UBN1: variants seen among roughly 807,000 people sequenced by gnomAD.
UBN1 encodes the protein ubinuclein 1.
A neutral mutation model predicts 108.5 loss-of-function variants in UBN1; 17 were observed. The ratio of observed to expected loss-of-function variants is 0.16; its 90% confidence interval spans 0.11 to 0.24. The LOEUF is 0.24. Among genes scored for constraint, UBN1 ranks in the 10% least tolerant of loss-of-function variants. The pLI is 1.00. For missense variants in UBN1, 1,595 were observed against 1,394.4 expected (o/e 1.14, Z -2.29); for synonymous variants, 726 against 564.2 (o/e 1.29, Z -4.07).
Position 4,870,790 on chromosome 16 carries a change from G to A in UBN1, c.1431-54G>A, listed in dbSNP as rs893775527. On this transcript the variant is annotated intron_variant, in intron 10 of 17. Transcript: ENST00000262376. ...GTCCCAGTAGTGCAGAGTGAGGGGA[G>A]AGGCGGTGGGCAGGAGCACCTTGGG... 1.1e-5 allele frequency: 17 copies of A among 1,608,284 alleles called. No homozygotes were observed. The East Asian group carries it at 3.3e-4, about 32-fold the overall frequency.
chr16:4,870,380 C>G (rs773259684), intron 9 of UBN1, 39 bp downstream of exon 9: 2 of 1,612,204 alleles, frequency 1.2e-6, no homozygotes, highest in African/African-American at 1.3e-5. Context: ...GCTTTGGGGT[C>G]CTGGCGGAGG....
In UBN1 at chr16:4,874,676, G is replaced by C; in HGVS notation, c.2266G>C (p.Glu756Gln). 6.2e-7 allele frequency: 1 copy of C among 1,614,128 alleles called. No individual in the cohort carries two copies. The highest frequency in any genetic ancestry group is 8.5e-7 in the Non-Finnish European group (1 of 1,180,024). ...LGQSSQEKKPESSGYKELSCQ... is the reference protein window; with the variant it reads ...LGQSSQEKKPQSSGYKELSCQ... ...GCAGTCCTCTCAGGAGAAAAAACCA[G>C]AGAGTTCTGGCTACAAAGAGCTGTC... The change falls in exon 15 of 18, where the codon GAG (glutamate) becomes CAG (glutamine). Residue 756 changes from glutamate to glutamine, a missense_variant. Transcript: ENST00000262376.
At chr16:4,876,044 C>T (rs1279669847) in intron 15 of UBN1, among the ~76,000 whole-genome samples, 1 of 151,698 alleles carries the variant, frequency 6.6e-6, no homozygotes, top group African/African-American at 2.4e-5. Context: ...GCGCAAGCTC[C>T]ACCTCCCGGG....
Position 4,859,010 on chromosome 16 carries a change from G to C in UBN1, c.433-15G>C. On this transcript the variant is annotated splice_polypyrimidine_tract_variant and intron_variant, in intron 4 of 17. Coordinates refer to ENST00000262376, the MANE Select transcript of UBN1 (RefSeq NM_001079514.3). The stretch of plus-strand genomic sequence containing the variant: ...AAGCAGAACTTGGAGCTGACAGTTT[G>C]TTTCCCATCTTCAGTATGATGAGCT... 6.2e-7 allele frequency: 1 copy of C among 1,610,316 alleles called. No individual in the cohort carries two copies. Among genetic ancestry groups the C allele is most frequent in the Admixed American group, 1.7e-5 (1 of 59,020 alleles).
Position 4,875,193 on chromosome 16 carries a change from C to T in UBN1, c.2783C>T (p.Ser928Phe), listed in dbSNP as rs555552740. Residue 928 changes from serine to phenylalanine, a missense_variant, in exon 15 of 18, where the codon TCT (serine) becomes TTT (phenylalanine). Transcript: ENST00000262376. ...SSSGGTPVQSSVSGSLVPGIQ... is the reference protein window; with the variant it reads ...SSSGGTPVQSFVSGSLVPGIQ... ...TCGGGAGGAACACCAGTCCAGAGTTCTGTTTCTGGGAGCCTGGTCCCTGGC... is the reference window on the plus strand; with the variant it reads ...TCGGGAGGAACACCAGTCCAGAGTTTTGTTTCTGGGAGCCTGGTCCCTGGC... 13 of 1,614,264 alleles carry T rather than the reference C, an allele frequency of 8.1e-6. No homozygotes were observed. The highest frequency in any genetic ancestry group is 1.1e-5 in the Non-Finnish European group (13 of 1,180,056).
At position 4,880,256 on chromosome 16, in the gene UBN1, C is replaced by T; in HGVS notation, c.*124C>T. On this transcript the variant is annotated 3_prime_UTR_variant, in exon 18 of 18. Coordinates refer to ENST00000262376, the MANE Select transcript of UBN1 (RefSeq NM_001079514.3). ...GTTCTTCTGGAGGAGCGTGAGTTCTCAGCGGAGCGCTTCTCGGCACTTCTG... is the reference window on the plus strand; with the variant it reads ...GTTCTTCTGGAGGAGCGTGAGTTCTTAGCGGAGCGCTTCTCGGCACTTCTG... The T allele has an allele frequency of 8.7e-7, 1 of 1,153,338 alleles. No homozygotes were observed. Among genetic ancestry groups the T allele is most frequent in the Non-Finnish European group, 1.3e-6 (1 of 774,126 alleles). The allele number at this position is 1,153,338 out of a possible 1,614,324, so 71.4% of individuals were successfully genotyped here.
intron 5 of UBN1, among the ~76,000 whole-genome samples, chr16:4,859,524 A>G (rs191004894): frequency 6.6e-6 from 1 of 152,316 alleles, no homozygotes; most frequent in Admixed American, 6.5e-5. Context: ...CTGCCATCCC[A>G]CTGAAAACCA....
intron 17 of UBN1, among the ~76,000 whole-genome samples, chr16:4,878,282 C>CT (rs1479033734): frequency 6.6e-6 from 1 of 152,102 alleles, no homozygotes; most frequent in Non-Finnish European, 1.5e-5. Context: ...AGCATTGTTC[C>CT]TACTGTAGAC....
intron 15 of UBN1, 134 bp from the exon 16 acceptor site, chr16:4,876,737 C>T: frequency 7.1e-7 from 1 of 1,412,780 alleles, no homozygotes; most frequent in South Asian, 1.5e-5. Flanking sequence ...GGGTGCCTCC[C>T]AGGGCCATCT....
At chr16:4,874,004 G>A (rs2087760866) in intron 14 of UBN1, among the ~76,000 whole-genome samples, 1 of 152,186 alleles carries the variant, frequency 6.6e-6, no homozygotes, top group Non-Finnish European at 1.5e-5. Flanking sequence ...CCCAGCCCTG[G>A]CCAACCAGAT....
chr16:4,870,117 G>A (rs184319158), intron 8 of UBN1, 95 bp from the exon 9 acceptor site: 169 of 1,566,404 alleles, frequency 1.1e-4, no homozygotes, highest in Admixed American at 6.0e-4. Context: ...TTTGACTGCC[G>A]TTGGCTCCTA....
At position 4,874,797 on chromosome 16, in the gene UBN1, C is replaced by T. The variant is rs2087801893; in HGVS notation, c.2387C>T (p.Ala796Val). ...CGGACGTCTCACGGGCCCCAAGTGG[C>T]AGTTCCTGTGCCTGGCCCCCAGGTC... ...LPRTSHGPQVAVPVPGPQVKV... is the reference protein window; with the variant it reads ...LPRTSHGPQVVVPVPGPQVKV... Residue 796 changes from alanine to valine, a missense_variant, in exon 15 of 18, where the codon GCA (alanine) becomes GTA (valine). By Grantham distance (64) the Ala-to-Val change is moderately conservative. This residue lies in a region of UBN1 where 1,398 missense variants were observed against 1,194.7 expected (regional missense o/e 1.17). Coordinates refer to ENST00000262376, the MANE Select transcript of UBN1 (RefSeq NM_001079514.3). 2 of 1,614,118 alleles carry T rather than the reference C, an allele frequency of 1.2e-6. No individual in the cohort carries two copies. Among genetic ancestry groups the T allele is most frequent in the Admixed American group, 1.7e-5 (1 of 60,030 alleles).
intron 5 of UBN1, 118 bp downstream of exon 5, chr16:4,859,277 C>A: frequency 7.1e-7 from 1 of 1,401,806 alleles, no homozygotes; most frequent in Non-Finnish European, 9.6e-7. Context: ...GGTGGAAAGG[C>A]AGAGCCGTGC....
In UBN1 at chr16:4,876,916, G is replaced by T; in HGVS notation, c.3070G>T (p.Ala1024Ser). 1 of 1,613,832 alleles carries T rather than the reference G, an allele frequency of 6.2e-7. No individual in the cohort carries two copies. Among genetic ancestry groups the T allele is most frequent in the Non-Finnish European group, 8.5e-7 (1 of 1,179,862 alleles). Residue 1024 changes from alanine to serine, a missense_variant, in exon 16 of 18, where the codon GCT becomes TCT. Coordinates refer to ENST00000262376, the MANE Select transcript of UBN1 (RefSeq NM_001079514.3). ...TVLLAGSSLM[A>S]SPYKSSSPKL... ...GCTGCTGGCCGGCTCCTCTTTGATG[G>T]CTTCACCCTACAAATCCAGCAGCCC... is the stretch of plus-strand genomic sequence containing the variant.
chr16:4,860,607 G>C, intron 6 of UBN1, 57 bp from the exon 7 acceptor site: 1 of 1,528,556 alleles, frequency 6.5e-7, no homozygotes, highest in Non-Finnish European at 8.7e-7. Flanking sequence ...AAGGCCTCTG[G>C]AGTTCCCTTT....
At chr16:4,878,238 C>A (rs1027505150) in intron 17 of UBN1, among the ~76,000 whole-genome samples, 1 of 152,146 alleles carries the variant, frequency 6.6e-6, no homozygotes, top group African/African-American at 2.4e-5. Context: ...GGAATTCTGG[C>A]ATGGGAAGTC....
intron 14 of UBN1, among the ~76,000 whole-genome samples, chr16:4,873,708 C>T (rs1291155299): frequency 6.6e-6 from 1 of 152,284 alleles, no homozygotes; most frequent in East Asian, 1.9e-4. Flanking sequence ...ACCAGGGATG[C>T]AGGAGTGAAG....
chr16:4,865,805 A>C (rs1214063560), intron 7 of UBN1, among the ~76,000 whole-genome samples: 1 of 152,078 alleles, frequency 6.6e-6, no homozygotes, highest in Non-Finnish European at 1.5e-5. Context: ...TACTAAAAAT[A>C]CAAAAAATTA....
intron 17 of UBN1, 94 bp from the exon 18 acceptor site, chr16:4,879,989 T>G: frequency 7.3e-7 from 1 of 1,364,440 alleles, no homozygotes; most frequent in Non-Finnish European, 1.0e-6. Context: ...ACTTTTGCTA[T>G]TTAGGTGTCT....
Sources: gnomAD v4.1 joint callset for allele counts (sites outside exome capture counted in the v4.1 genomes callset) on GRCh38, gnomAD v4.1.1 for gene constraint, gnomAD v4.1.1 regional missense constraint, MANE v1.5 for transcripts, NCBI Gene and HGNC (gene_info 2026-07-23, HGNC 2026-07-21) for gene names.